Variants in PLCB1 observed in about 807,000 individuals in gnomAD.
PLCB1 encodes the protein phospholipase C beta 1.
In PLCB1, 46 loss-of-function variants were observed where a neutral mutation model predicts 161.8. That is an observed-to-expected ratio of 0.28 (90% CI 0.22 to 0.36). The LOEUF is 0.36. Among genes scored for constraint, PLCB1 ranks in the 10% least tolerant of loss-of-function variants. PLCB1 has a pLI of 1.00. For synonymous variants in PLCB1, 517 were observed against 503.7 expected (o/e 1.03, Z -0.35); for missense variants, 1,016 against 1,472.5 (o/e 0.69, Z 5.07).
intron 10 of PLCB1, among the ~76,000 whole-genome samples, chr20:8,691,265 T>C (rs6140691): frequency 0.22 from 33,795 of 151,960 alleles, 4,858 homozygotes; most frequent in East Asian, 0.39. Flanking sequence ...AATAAAAATA[T>C]AACCAATGCC....
At chr20:8,371,128 G>C (rs1986889929) in intron 2 of PLCB1, 2 of 420,496 alleles carry the variant, frequency 4.8e-6, no homozygotes, top group East Asian at 7.9e-5. Context: ...TTTAGGAATG[G>C]CTTGTAGGAT....
intron 2 of PLCB1, among the ~76,000 whole-genome samples, chr20:8,218,645 A>G (rs1979254615): frequency 2.6e-5 from 4 of 151,894 alleles, no homozygotes; most frequent in Admixed American, 6.6e-5. Flanking sequence ...TGACAAATAA[A>G]AATAGGCCCT....
chr20:8,720,785 T>A (rs1414850287), intron 14 of PLCB1, among the ~76,000 whole-genome samples: 1 of 152,000 alleles, frequency 6.6e-6, no homozygotes, highest in Non-Finnish European at 1.5e-5. Context: ...CCATGAAGTA[T>A]TTTATAGAAA....
At chr20:8,222,936 A>G (rs1054025768) in intron 2 of PLCB1, among the ~76,000 whole-genome samples, 2 of 152,062 alleles carry the variant, frequency 1.3e-5, no homozygotes, top group Non-Finnish European at 2.9e-5. Context: ...ATAGTATTTG[A>G]TTAGCTAAAT....
chr20:8,628,437 G>T lies in PLCB1; in HGVS notation c.384+6G>T, dbSNP rs1463013446. ...TCCAAGAAGAAGTGGCCAAGGTATGGTGGATGGAAATTGCTAAAGCTTATC... is the reference window on the plus strand; with the variant it reads ...TCCAAGAAGAAGTGGCCAAGGTATGTTGGATGGAAATTGCTAAAGCTTATC... On this transcript the variant is annotated splice_donor_region_variant and intron_variant, in intron 4 of 31. Coordinates refer to ENST00000338037, the MANE Select transcript of PLCB1 (RefSeq NM_015192.4). 1 of 1,613,960 alleles carries T rather than the reference G, an allele frequency of 6.2e-7. No individual in the cohort carries two copies. Among genetic ancestry groups the T allele is most frequent in the Admixed American group, 1.7e-5 (1 of 60,006 alleles).
At chr20:8,492,828 A>C (rs1048285829) in intron 3 of PLCB1, among the ~76,000 whole-genome samples, 28 of 137,282 alleles carry the variant, frequency 2.0e-4, no homozygotes, top group African/African-American at 7.9e-4. Flanking sequence ...TCTACAAAGC[A>C]AACTTTATTA....
chr20:8,535,961 A>G (rs922804879), intron 3 of PLCB1, among the ~76,000 whole-genome samples: 1 of 151,846 alleles, frequency 6.6e-6, no homozygotes, highest in African/African-American at 2.4e-5. Context: ...TTTTTAAACT[A>G]AGATTATTTT....
At chr20:8,558,602 G>A (rs1986042006) in intron 3 of PLCB1, among the ~76,000 whole-genome samples, 1 of 151,766 alleles carries the variant, frequency 6.6e-6, no homozygotes, top group Non-Finnish European at 1.5e-5. Flanking sequence ...TGAACTCCAG[G>A]TAGGATAAAT....
intron 3 of PLCB1, among the ~76,000 whole-genome samples, chr20:8,373,114 A>T (rs766912078): frequency 2.6e-5 from 4 of 152,168 alleles, no homozygotes; most frequent in Non-Finnish European, 5.9e-5. Flanking sequence ...CCACTGTTAG[A>T]TCCTCAAATG....
chr20:8,856,735 G>A (rs543467759), intron 31 of PLCB1, among the ~76,000 whole-genome samples: 4 of 152,330 alleles, frequency 2.6e-5, no homozygotes, highest in African/African-American at 9.6e-5. Context: ...CTAGTGATTG[G>A]AAGGTGGCAG....
intron 31 of PLCB1, among the ~76,000 whole-genome samples, chr20:8,866,060 A>G (rs1987419273): frequency 6.6e-6 from 1 of 152,226 alleles, no homozygotes; most frequent in Non-Finnish European, 1.5e-5. Context: ...CTATTAACAA[A>G]AGGATCTGGG....
chr20:8,743,294 A>C lies in PLCB1; in HGVS notation c.2523+1721A>C, dbSNP rs145853892. 7.2e-4 allele frequency among the ~76,000 whole-genome samples: 109 copies of C among 152,282 alleles called. 2 individuals carry two copies. In the East Asian group the frequency reaches 0.019, roughly 27 times the overall value. ...GTTGAATTTTATCAAATGCTTTTTCAACATCAATTGAAATGATCATATGGG... is the reference window on the plus strand; with the variant it reads ...GTTGAATTTTATCAAATGCTTTTTCCACATCAATTGAAATGATCATATGGG... On this transcript the variant is annotated intron_variant, in intron 23 of 31. Transcript: ENST00000338037.
chr20:8,750,819 G>C (rs374232977), intron 23 of PLCB1: 148 of 1,362,734 alleles, frequency 1.1e-4, no homozygotes, highest in Middle Eastern at 8.4e-4. Flanking sequence ...ATTTCTGCAT[G>C]ATGAAATTAT....
At chr20:8,186,655 A>G (rs990983332) in intron 2 of PLCB1, among the ~76,000 whole-genome samples, 5 of 152,198 alleles carry the variant, frequency 3.3e-5, no homozygotes, top group African/African-American at 1.2e-4. Context: ...ATAAGTCCAG[A>G]TTCTCTGAGA....
At chr20:8,140,583 G>C (rs2051392293) in intron 1 of PLCB1, among the ~76,000 whole-genome samples, 1 of 149,974 alleles carries the variant, frequency 6.7e-6, no homozygotes, top group Non-Finnish European at 1.5e-5. Context: ...CACCTCGGGT[G>C]GTAGGAAAAA....
chr20:8,558,094 T>C (rs945028658), intron 3 of PLCB1, among the ~76,000 whole-genome samples: 1 of 151,792 alleles, frequency 6.6e-6, no homozygotes, highest in East Asian at 1.9e-4. Flanking sequence ...GAATAAGATC[T>C]AGTATATGTT....
intron 6 of PLCB1, among the ~76,000 whole-genome samples, chr20:8,648,569 A>G (rs1005612547): frequency 6.6e-6 from 1 of 152,214 alleles, no homozygotes; most frequent in African/African-American, 2.4e-5. Context: ...TAGTAACGAA[A>G]AAAAGTCCAT....
chr20:8,534,128 G>T (rs1984946798), intron 3 of PLCB1, among the ~76,000 whole-genome samples: 2 of 152,118 alleles, frequency 1.3e-5, no homozygotes, highest in African/African-American at 2.4e-5. Context: ...TTTGAGACAG[G>T]ATCTCACTCT....
At chr20:8,490,642 C>T (rs940909886) in intron 3 of PLCB1, among the ~76,000 whole-genome samples, 1 of 152,126 alleles carries the variant, frequency 6.6e-6, no homozygotes, top group Non-Finnish European at 1.5e-5. Context: ...TGTATGACAG[C>T]ATCTTTTTAA....
Sources: gnomAD v4.1 joint callset for allele counts (sites outside exome capture counted in the v4.1 genomes callset) on GRCh38, gnomAD v4.1.1 for gene constraint, MANE v1.5 for transcripts, NCBI Gene and HGNC (gene_info 2026-07-23, HGNC 2026-07-21) for gene names.